ALDH18A1: variants seen among roughly 807,000 people sequenced by gnomAD.
ALDH18A1 encodes the protein delta-1-pyrroline-5-carboxylate synthase.
ALDH18A1 carries 44 observed loss-of-function variants against 88.8 expected under a neutral mutation model. The observed-to-expected ratio is 0.50, with a 90% CI of 0.39 to 0.64. ALDH18A1 has a LOEUF of 0.64. ALDH18A1 is among the 30% of genes least tolerant of loss of function. The pLI is 0.00. For synonymous variants in ALDH18A1, 331 were observed against 372.1 expected, an observed-to-expected ratio of 0.89 and a Z score of 1.27; for missense variants, 782 against 1,009.5, an observed-to-expected ratio of 0.77 and a Z score of 3.05.
intron 12 of ALDH18A1, 83 bp from the exon 13 acceptor site, chr10:95,616,697 C>G: frequency 6.7e-7 from 1 of 1,503,440 alleles, no homozygotes; most frequent in Non-Finnish European, 9.1e-7. Context: ...AGCACTCCTT[C>G]TGTGCTAAGC....
intron 7 of ALDH18A1, among the ~76,000 whole-genome samples, chr10:95,629,228 G>A (rs1412578516): frequency 6.6e-6 from 1 of 152,210 alleles, no homozygotes; most frequent in Non-Finnish European, 1.5e-5. Flanking sequence ...AGAAAGGGCT[G>A]AGAAACTAGA....
chr10:95,631,249 A>G (rs969629130), intron 7 of ALDH18A1, among the ~76,000 whole-genome samples: 11 of 152,196 alleles, frequency 7.2e-5, no homozygotes, highest in Non-Finnish European at 1.3e-4. Flanking sequence ...ACAGAGTAAC[A>G]TATAAGAATA....
At chr10:95,653,649 T>G (rs1332481550) in intron 1 of ALDH18A1, among the ~76,000 whole-genome samples, 2 of 152,162 alleles carry the variant, frequency 1.3e-5, no homozygotes, top group African/African-American at 2.4e-5. Flanking sequence ...TAGGAATATT[T>G]TGAGACACAA....
At chr10:95,629,989 T>C (rs747522126) in intron 7 of ALDH18A1, among the ~76,000 whole-genome samples, 34 of 152,176 alleles carry the variant, frequency 2.2e-4, no homozygotes, top group Non-Finnish European at 4.4e-4. Context: ...TGTAGCTTTT[T>C]TAATTGAACA....
At chr10:95,626,020 T>G (rs992261073) in intron 10 of ALDH18A1, among the ~76,000 whole-genome samples, 1 of 152,128 alleles carries the variant, frequency 6.6e-6, no homozygotes, top group Non-Finnish European at 1.5e-5. Context: ...CTGACCCTGC[T>G]AGATGAGGAA....
chr10:95,646,439 G>T (rs958713205), intron 2 of ALDH18A1, among the ~76,000 whole-genome samples: 2 of 152,146 alleles, frequency 1.3e-5, no homozygotes, highest in African/African-American at 2.4e-5. Flanking sequence ...GCCTGTTAGG[G>T]TTCAAGAGGA....
chr10:95,606,559 TA>T lies in ALDH18A1; in HGVS notation c.*202del, dbSNP rs1040796626. The T allele has an allele frequency of 6.8e-4, 967 of 1,413,364 alleles. No individual in the cohort carries two copies. Among genetic ancestry groups the T allele is most frequent in the Admixed American group, 1.6e-3 (58 of 36,412 alleles). The allele number at this position is 1,413,364 out of a possible 1,614,324, so 87.6% of individuals were successfully genotyped here. ...ATCGGTAGCAACTATTTTCTTACTTTAAAAAAAAAGGGTGAGCTGGGAGCCA... is the reference window on the plus strand; with the variant it reads ...ATCGGTAGCAACTATTTTCTTACTTTAAAAAAAAGGGTGAGCTGGGAGCCA... On this transcript the variant is annotated 3_prime_UTR_variant, in exon 18 of 18. Transcript: ENST00000371224.
chr10:95,648,417 A>G (rs890236965), intron 2 of ALDH18A1, among the ~76,000 whole-genome samples: 1 of 152,028 alleles, frequency 6.6e-6, no homozygotes, highest in African/African-American at 2.4e-5. Flanking sequence ...TTATGAGTTC[A>G]TTATTATTAT....
Position 95,614,079 on chromosome 10 carries a change from A to C in ALDH18A1, c.1688T>G (p.Leu563Arg). ...AGCAGCTTTCTGGATGTCTCTGACC[A>C]GCTGGGAAGAGCCACGTGGAATGAT... Reference protein sequence around the residue: ...DLIIPRGSSQLVRDIQKAAKG... With the variant: ...DLIIPRGSSQRVRDIQKAAKG... Residue 563 changes from leucine to arginine, a missense_variant, in exon 14 of 18, where the codon CTG becomes CGG. Leu to Arg is a moderately radical substitution (Grantham distance 102). Coordinates refer to ENST00000371224, the MANE Select transcript of ALDH18A1 (RefSeq NM_002860.4). 6.2e-7 allele frequency: 1 copy of C among 1,614,238 alleles called. No homozygotes were observed. The highest frequency in any genetic ancestry group is 2.2e-5 in the East Asian group (1 of 44,888).
At chr10:95,631,763 A>AAC (rs1555262150) in intron 7 of ALDH18A1, among the ~76,000 whole-genome samples, 62 of 149,562 alleles carry the variant, frequency 4.1e-4, no homozygotes, top group South Asian at 4.2e-4. Flanking sequence ...AAAAAAAAAA[A>AAC]AACAACTGAA....
At chr10:95,627,094 T>C (rs2097861482) in intron 9 of ALDH18A1, among the ~76,000 whole-genome samples, 1 of 152,132 alleles carries the variant, frequency 6.6e-6, no homozygotes, top group Non-Finnish European at 1.5e-5. Flanking sequence ...GAATGCAGAT[T>C]ATGAGGCAAT....
chr10:95,654,646 A>G (rs1254052942), intron 1 of ALDH18A1, among the ~76,000 whole-genome samples: 4 of 151,190 alleles, frequency 2.6e-5, no homozygotes, highest in Non-Finnish European at 5.9e-5. Flanking sequence ...GCACAAAGGC[A>G]CTGAAATGGG....
At chr10:95,616,917 A>G (rs1477486752) in intron 12 of ALDH18A1, among the ~76,000 whole-genome samples, 2 of 152,184 alleles carry the variant, frequency 1.3e-5, no homozygotes, top group Non-Finnish European at 2.9e-5. Flanking sequence ...GATTTTAGCA[A>G]CTAAACTATA....
chr10:95,643,930 G>C (rs1165042452), intron 2 of ALDH18A1, among the ~76,000 whole-genome samples: 4 of 152,206 alleles, frequency 2.6e-5, no homozygotes, highest in East Asian at 1.9e-4. Context: ...GATCACCTGA[G>C]GTCAGGAGTT....
At position 95,606,263 on chromosome 10, in the gene ALDH18A1, C is replaced by T. The variant is rs192052247; in HGVS notation, c.*499G>A. 7.0e-6 allele frequency: 7 copies of T among 997,788 alleles called. No homozygotes were observed. Among genetic ancestry groups the T allele is most frequent in the African/African-American group, 1.7e-5 (1 of 57,438 alleles). 61.8% of individuals were successfully genotyped at this position (997,788 alleles called of 1,614,324 possible). On this transcript the variant is annotated 3_prime_UTR_variant, in exon 18 of 18. Coordinates refer to ENST00000371224, the MANE Select transcript of ALDH18A1 (RefSeq NM_002860.4). The stretch of plus-strand genomic sequence containing the variant: ...ATCTTCCCAGTGGAAATGATTCCAT[C>T]GATTTTTGTGACTTTCTGATGAGAA...
rs1018510264 is a variant in ALDH18A1, at chr10:95,633,197, C to T, written c.718-148G>A. ...ATATGTAGATGACGGCTCTTGCAGGCCCCTTCTGTCTGCAGAACACACTGT... is the reference window on the plus strand; with the variant it reads ...ATATGTAGATGACGGCTCTTGCAGGTCCCTTCTGTCTGCAGAACACACTGT... On this transcript the variant is annotated intron_variant, in intron 6 of 17. Transcript: ENST00000371224. 3 of 777,826 alleles carry T rather than the reference C, an allele frequency of 3.9e-6. No individual in the cohort carries two copies. The Admixed American group carries it at 6.2e-5, about 16-fold the overall frequency. The allele number at this position is 777,826 out of a possible 1,614,324, so 48.2% of individuals were successfully genotyped here.
intron 15 of ALDH18A1, among the ~76,000 whole-genome samples, chr10:95,612,970 A>C (rs1184616097): frequency 1.3e-5 from 2 of 152,218 alleles, no homozygotes; most frequent in East Asian, 3.8e-4. Flanking sequence ...TTTCCAGTCA[A>C]AGGATGGAAG....
At chr10:95,655,772 A>T (rs988659193) in intron 1 of ALDH18A1, among the ~76,000 whole-genome samples, 2 of 152,124 alleles carry the variant, frequency 1.3e-5, no homozygotes. Context: ...TTTAGACTCC[A>T]TATCATCAGT....
At position 95,628,517 on chromosome 10, in the gene ALDH18A1, A is replaced by C. The variant is rs200860390; in HGVS notation, c.809-25T>G. 71 of 1,610,010 alleles carry C rather than the reference A, an allele frequency of 4.4e-5. No individual in the cohort carries two copies. The African/African-American group carries it at 6.9e-4, about 16-fold the overall frequency. On this transcript the variant is annotated intron_variant, in intron 7 of 17. Coordinates refer to ENST00000371224, the MANE Select transcript of ALDH18A1 (RefSeq NM_002860.4). ...CCTAAAAAATAGACAAGAGTCAGTA[A>C]TACTGCTTTGATGGAAGTGTCTCCA...
Sources: allele counts gnomAD v4.1 joint callset (sites outside exome capture counted in the v4.1 genomes callset), GRCh38; gene constraint gnomAD v4.1.1; transcripts MANE v1.5; gene names NCBI Gene and HGNC (gene_info 2026-07-23, HGNC 2026-07-21).